The following KCNQ1 variants were observed in gnomAD, a reference collection of about 807,000 sequenced individuals.
KCNQ1 encodes potassium voltage-gated channel subfamily KQT member 1.
In KCNQ1, 49 loss-of-function variants were observed where a neutral mutation model predicts 72.4. That is an observed-to-expected ratio of 0.68 (90% CI 0.54 to 0.86). The LOEUF is 0.86. Among genes scored for constraint, KCNQ1 ranks in the 40% least tolerant of loss-of-function variants. KCNQ1 has a pLI of 0.00. For synonymous variants in KCNQ1, 450 were observed against 412.6 expected (o/e 1.09, Z -1.10); for missense variants, 790 against 945.1 (o/e 0.84, Z 2.15).
At chr11:2,716,842 C>A (rs555783309) in intron 11 of KCNQ1, among the ~76,000 whole-genome samples, 3 of 152,344 alleles carry the variant, frequency 2.0e-5, no homozygotes, top group South Asian at 2.1e-4. Context: ...GAGCCGAGGG[C>A]AGGCAGGAGC....
At chr11:2,714,443 C>G (rs1386416066) in intron 11 of KCNQ1, among the ~76,000 whole-genome samples, 1 of 152,238 alleles carries the variant, frequency 6.6e-6, no homozygotes, top group East Asian at 1.9e-4. Context: ...GACAGCCCCT[C>G]TGCCATCAGT....
Position 2,669,091 on chromosome 11 carries a change from A to T in KCNQ1, c.1514+7010A>T. The T allele has an allele frequency of 1.0e-5, 4 of 398,714 alleles. No homozygotes were observed. The highest frequency in any genetic ancestry group is 1.8e-5 in the Non-Finnish European group (4 of 226,112). The allele number at this position is 398,714 out of a possible 1,614,324, so 24.7% of individuals were successfully genotyped here. A position where few individuals can be genotyped will look rare whatever the true frequency, so the allele number is the denominator to read the frequency against. On this transcript the variant is annotated intron_variant, in intron 11 of 15. Transcript: ENST00000155840. The surrounding 1 kb of genome is among the most constrained non-coding windows in gnomAD (Gnocchi z 5.6). ...TACCCTGCCGTATCAGTGTCTTTAC[A>T]ATCAGCTCACTGGCTACGTGTGGCT... is the stretch of plus-strand genomic sequence containing the variant.
rs7936703 is a variant in KCNQ1 at position 2,559,507 on chromosome 11, A to G, written c.478-11121A>G. On this transcript the variant is annotated intron_variant, in intron 2 of 15. Transcript: ENST00000155840. The surrounding 1 kb of genome is among the most constrained non-coding windows in gnomAD (Gnocchi z 4.9). ...GACACTGGGCCTCATGCCGCCTGTC[A>G]GGATGGTGTCCGGGATGTGGGGACC... 0.48 allele frequency among the ~76,000 whole-genome samples: 73,104 copies of G among 152,040 alleles called. 19,968 individuals are homozygous for G. Among genetic ancestry groups the G allele is most frequent in the African/African-American group, 0.74 (30,882 of 41,492 alleles).
chr11:2,471,720 G>T lies in KCNQ1; in HGVS notation c.386+26236G>T, dbSNP rs1313878576. ...TGTGTGTATAGGTGTGTGTATGTGT[G>T]CATGGGCGTGTGTATGTGTGCATGG... On this transcript the variant is annotated intron_variant, in intron 1 of 15. Coordinates refer to ENST00000155840, the MANE Select transcript of KCNQ1 (RefSeq NM_000218.3). This position sits in a 1 kb window ranked among gnomAD's most constrained non-coding sequence, Gnocchi z 4.8. Among the ~76,000 whole-genome samples the T allele has an allele frequency of 1.4e-5, 2 of 143,232 alleles. No homozygotes were observed. Among genetic ancestry groups the T allele is most frequent in the Non-Finnish European group, 3.0e-5 (2 of 67,388 alleles). 94.0% of individuals were successfully genotyped at this position (143,232 alleles called of 152,430 possible).
rs879258041 is a variant in KCNQ1 at position 2,617,868 on chromosome 11, T to A, written c.1393+29014T>A. 7.5e-6 allele frequency: 3 copies of A among 398,598 alleles called. No homozygotes were observed. The highest frequency in any genetic ancestry group is 1.3e-5 in the Non-Finnish European group (3 of 226,030). 24.7% of individuals were successfully genotyped at this position (398,598 alleles called of 1,614,324 possible). On this transcript the variant is annotated intron_variant, in intron 10 of 15. Transcript: ENST00000155840. This position sits in a 1 kb window ranked among gnomAD's most constrained non-coding sequence, Gnocchi z 4.6. ...TGTCTACTCAGTTCCACTGCCCATTTTTTAATTGGGTTATCTATTTTCTTG... is the reference window on the plus strand; with the variant it reads ...TGTCTACTCAGTTCCACTGCCCATTATTTAATTGGGTTATCTATTTTCTTG...
At position 2,482,095 on chromosome 11, in the gene KCNQ1, G is replaced by A. The variant is rs1024081495; in HGVS notation, c.386+36611G>A. 1.3e-5 allele frequency among the ~76,000 whole-genome samples: 2 copies of A among 152,136 alleles called. No homozygotes were observed. Among genetic ancestry groups the A allele is most frequent in the Non-Finnish European group, 2.9e-5 (2 of 68,024 alleles). ...CGGGAACGATGGGAGCCCTCACCTC[G>A]TATGGTGGTTTGAGGATTGAATGAA... is the stretch of plus-strand genomic sequence containing the variant. On this transcript the variant is annotated intron_variant, in intron 1 of 15. Coordinates refer to ENST00000155840, the MANE Select transcript of KCNQ1 (RefSeq NM_000218.3). This position sits in a 1 kb window ranked among gnomAD's most constrained non-coding sequence, Gnocchi z 5.7.
In KCNQ1 at chr11:2,564,205, C is replaced by CTCCG. The variant is rs1430166932; in HGVS notation, c.478-6422_478-6419dup. 6.6e-6 allele frequency among the ~76,000 whole-genome samples: 1 copy of CTCCG among 152,260 alleles called. No individual in the cohort carries two copies. Among genetic ancestry groups the CTCCG allele is most frequent in the African/African-American group, 2.4e-5 (1 of 41,470 alleles). On this transcript the variant is annotated intron_variant, in intron 2 of 15. Transcript: ENST00000155840. This position sits in a 1 kb window ranked among gnomAD's most constrained non-coding sequence, Gnocchi z 4.5. ...ACAAGGCGGTTCAGCCAACACCTGTCTCCGGTTCCAGAGCTTTTTCATCAC... is the reference window on the plus strand; with the variant it reads ...ACAAGGCGGTTCAGCCAACACCTGTCTCCGTCCGGTTCCAGAGCTTTTTCATCAC...
At chr11:2,529,651 A>G (rs1460656326) in intron 2 of KCNQ1, among the ~76,000 whole-genome samples, 1 of 152,180 alleles carries the variant, frequency 6.6e-6, no homozygotes, top group Admixed American at 6.5e-5. Context: ...AATTTCTGCT[A>G]CAGCCTGTGG....
Position 2,674,802 on chromosome 11 carries a change from G to C in KCNQ1, c.1514+12721G>C. ...AACTCTCGCCAACTGCTGGCCTTTG[G>C]AAAGGCTTGTCACCCTAATAGCTGT... On this transcript the variant is annotated intron_variant, in intron 11 of 15. Transcript: ENST00000155840. This position sits in a 1 kb window ranked among gnomAD's most constrained non-coding sequence, Gnocchi z 5.9. 1 of 370,982 alleles carries C rather than the reference G, an allele frequency of 2.7e-6. No individual in the cohort carries two copies. The allele number at this position is 370,982 out of a possible 1,614,324, so 23.0% of individuals were successfully genotyped here.
rs1850147749 is a variant in KCNQ1, at chr11:2,669,753, AAT to A, written c.1514+7673_1514+7674del. The A allele has an allele frequency of 2.5e-6, 1 of 398,522 alleles. No homozygotes were observed. Among genetic ancestry groups the A allele is most frequent in the South Asian group, 1.3e-4 (1 of 7,868 alleles). 24.7% of individuals were successfully genotyped at this position (398,522 alleles called of 1,614,324 possible). A position where few individuals can be genotyped will look rare whatever the true frequency, so the allele number is the denominator to read the frequency against. On this transcript the variant is annotated intron_variant, in intron 11 of 15. Coordinates refer to ENST00000155840, the MANE Select transcript of KCNQ1 (RefSeq NM_000218.3). This position sits in a 1 kb window ranked among gnomAD's most constrained non-coding sequence, Gnocchi z 5.6. ...TGCCTGAAAATATTAGCCAGCATAG[AAT>A]GTCTCTTTGTGATGGGAGATCCTGT...
At chr11:2,533,720 G>A (rs1847679993) in intron 2 of KCNQ1, among the ~76,000 whole-genome samples, 2 of 152,364 alleles carry the variant, frequency 1.3e-5, no homozygotes, top group African/African-American at 4.8e-5. Flanking sequence ...GCCGAAGCCA[G>A]CTGCTGCTAG....
intron 12 of KCNQ1, among the ~76,000 whole-genome samples, chr11:2,774,352 G>A (rs1846654488): frequency 6.6e-6 from 1 of 152,218 alleles, no homozygotes; most frequent in African/African-American, 2.4e-5. Context: ...CTGGTGCCCA[G>A]TGTGGCCCCA....
Position 2,616,192 on chromosome 11 carries a change from G to A in KCNQ1, c.1393+27338G>A, listed in dbSNP as rs560473044. On this transcript the variant is annotated intron_variant, in intron 10 of 15. Transcript: ENST00000155840. ...TTATTTCTGTAAGATCAGTTATATC[G>A]TTCCCACTTTTGTTTTTTTTTCTTA... 3.5e-4 allele frequency: 137 copies of A among 395,322 alleles called. 2 individuals are homozygous for A. The highest frequency in any genetic ancestry group is 2.5e-3 in the African/African-American group (119 of 48,068). 24.5% of individuals were successfully genotyped at this position (395,322 alleles called of 1,614,324 possible).
At chr11:2,633,795 G>T in intron 10 of KCNQ1, 1 of 398,494 alleles carries the variant, frequency 2.5e-6, no homozygotes, top group Non-Finnish European at 4.4e-6. Context: ...TTGCTTCCGA[G>T]ACCCCCTGTA....
intron 15 of KCNQ1, among the ~76,000 whole-genome samples, chr11:2,829,008 G>T (rs1847891872): frequency 6.6e-6 from 1 of 152,206 alleles, no homozygotes; most frequent in Non-Finnish European, 1.5e-5. Flanking sequence ...TTCCCATCCA[G>T]AATTCTATAC....
At position 2,782,837 on chromosome 11, in the gene KCNQ1, A is replaced by G. The variant is rs1846846588; in HGVS notation, c.1794+4800A>G. Among the ~76,000 whole-genome samples, 1 of 152,138 alleles carries G rather than the reference A, an allele frequency of 6.6e-6. No individual in the cohort carries two copies. Among genetic ancestry groups the G allele is most frequent in the Admixed American group, 6.5e-5 (1 of 15,268 alleles). On this transcript the variant is annotated intron_variant, in intron 15 of 15. Transcript: ENST00000155840. The surrounding 1 kb of genome is among the most constrained non-coding windows in gnomAD (Gnocchi z 6.1). ...TTCCCCCTTAGTGGTCAAACTTGACACTATTCCCCTGTCTTATTAAATGTT... is the reference window on the plus strand; with the variant it reads ...TTCCCCCTTAGTGGTCAAACTTGACGCTATTCCCCTGTCTTATTAAATGTT...
chr11:2,783,466 TGTTA>T lies in KCNQ1; in HGVS notation c.1794+5433_1794+5436del, dbSNP rs1846859616. Reference sequence around the variant, plus strand: ...ATGTTCATATCCACTGGAACAAGCTTGTTAGTTGGTCTGTTCAAATCTTCTATAT... The same window carrying T: ...ATGTTCATATCCACTGGAACAAGCTTGTTGGTCTGTTCAAATCTTCTATAT... On this transcript the variant is annotated intron_variant, in intron 15 of 15. Transcript: ENST00000155840. The surrounding 1 kb of genome is among the most constrained non-coding windows in gnomAD (Gnocchi z 5.2). Among the ~76,000 whole-genome samples, 1 of 152,106 alleles carries T rather than the reference TGTTA, an allele frequency of 6.6e-6. No homozygotes were observed. Among genetic ancestry groups the T allele is most frequent in the Admixed American group, 6.5e-5 (1 of 15,284 alleles).
chr11:2,645,316 C>T lies in KCNQ1; in HGVS notation c.1394-16645C>T. On this transcript the variant is annotated intron_variant, in intron 10 of 15. Transcript: ENST00000155840. This position sits in a 1 kb window ranked among gnomAD's most constrained non-coding sequence, Gnocchi z 5.8. The stretch of plus-strand genomic sequence containing the variant: ...CAGGAGTGCTCAGGTGCCAACAATA[C>T]TGGATAGGGCAGGGTGATCCCTAGG... The T allele has an allele frequency of 2.5e-6, 1 of 398,676 alleles. No homozygotes were observed. The allele number at this position is 398,676 out of a possible 1,614,324, so 24.7% of individuals were successfully genotyped here.
intron 6 of KCNQ1, among the ~76,000 whole-genome samples, chr11:2,578,067 TA>T (rs1484202970): frequency 6.6e-6 from 1 of 152,218 alleles, no homozygotes; most frequent in Non-Finnish European, 1.5e-5. Context: ...CAGAAGGCTC[TA>T]GACAGGCTCT....
Sources: allele counts gnomAD v4.1 joint callset (sites outside exome capture counted in the v4.1 genomes callset), GRCh38; gene constraint gnomAD v4.1.1; non-coding constraint Gnocchi (gnomAD v3.1); transcripts MANE v1.5; gene names NCBI Gene and HGNC (gene_info 2026-07-23, HGNC 2026-07-21).